The following OGFRL1 variants were observed in gnomAD, a reference collection of about 807,000 sequenced individuals.
OGFRL1 encodes opioid growth factor receptor like 1.
OGFRL1 carries 26 observed loss-of-function variants against 32.4 expected under a neutral mutation model. The ratio of observed to expected loss-of-function variants is 0.80; its 90% CI spans 0.59 to 1.11. OGFRL1 has a LOEUF of 1.11. Among genes scored for constraint, OGFRL1 ranks in the 50% most tolerant of loss-of-function variants. The probability of loss-of-function intolerance (pLI) is 0.00; values close to 1 mark genes in which losing one functional copy is unlikely to be tolerated. For missense variants in OGFRL1, 521 were observed against 546.4 expected (o/e 0.95, Z 0.46); for synonymous variants, 211 against 201.2 (o/e 1.05, Z -0.41).
intron 6 of OGFRL1, among the ~76,000 whole-genome samples, chr6:71,297,926 T>A (rs1450519991): frequency 6.6e-6 from 1 of 151,274 alleles, no homozygotes; most frequent in Non-Finnish European, 1.5e-5. Flanking sequence ...TAGCATTAGG[T>A]ATATCTCCTA....
At chr6:71,293,851 C>T (rs1434001927) in intron 3 of OGFRL1, among the ~76,000 whole-genome samples, 1 of 152,054 alleles carries the variant, frequency 6.6e-6, no homozygotes, top group Non-Finnish European at 1.5e-5. Flanking sequence ...TGTATAGAAC[C>T]ATAGAATTTT....
intron 6 of OGFRL1, 56 bp downstream of exon 6, chr6:71,296,873 A>G: frequency 3.2e-6 from 5 of 1,557,312 alleles, no homozygotes; most frequent in Non-Finnish European, 4.3e-6. Flanking sequence ...TCCCTTGGTC[A>G]GAGTTCTCTA....
At chr6:71,292,752 T>C (rs149420554) in intron 1 of OGFRL1, among the ~76,000 whole-genome samples, 51 of 152,322 alleles carry the variant, frequency 3.3e-4, no homozygotes, top group African/African-American at 1.1e-3. Flanking sequence ...GTACTTGTCA[T>C]GGTATTATAA....
At position 71,305,653 on chromosome 6, in the gene OGFRL1, A is replaced by AC. The variant is rs1383691209; in HGVS notation, c.*3604_*3605insC. The AC allele has an allele frequency of 6.6e-6, 1 of 152,110 alleles. No homozygotes were observed. Among genetic ancestry groups the AC allele is most frequent in the African/African-American group, 2.4e-5 (1 of 41,454 alleles). The allele number at this position is 152,110 out of a possible 1,614,324, so 9.4% of individuals were successfully genotyped here. A position where few individuals can be genotyped will look rare whatever the true frequency, so the allele number is the denominator to read the frequency against. On this transcript the variant is annotated 3_prime_UTR_variant, in exon 7 of 7. Coordinates refer to ENST00000370435, the MANE Select transcript of OGFRL1 (RefSeq NM_024576.5). Reference sequence around the variant, plus strand: ...ATATGAAAATGCCATAATGCCTGTCATAGTCATTGTTTCATATTTTGTCAT... The same window carrying AC: ...ATATGAAAATGCCATAATGCCTGTCACTAGTCATTGTTTCATATTTTGTCAT...
In OGFRL1 at chr6:71,296,833, G is replaced by A. The variant is rs761033834; in HGVS notation, c.692+16G>A. On this transcript the variant is annotated intron_variant, in intron 6 of 6. Transcript: ENST00000370435. ...ATCTGAATGAGTAAGTAAAGCCCCTGTGATAAATCAGGGGCCAGCACAGTT... is the reference window on the plus strand; with the variant it reads ...ATCTGAATGAGTAAGTAAAGCCCCTATGATAAATCAGGGGCCAGCACAGTT... 27 of 1,607,288 alleles carry A rather than the reference G, an allele frequency of 1.7e-5. No homozygotes were observed. Among genetic ancestry groups the A allele is most frequent in the Non-Finnish European group, 2.2e-5 (26 of 1,177,742 alleles).
At chr6:71,298,328 AAG>A (rs1271077650) in intron 6 of OGFRL1, among the ~76,000 whole-genome samples, 2 of 152,138 alleles carry the variant, frequency 1.3e-5, no homozygotes, top group African/African-American at 4.8e-5. Flanking sequence ...ATTGACATGA[AAG>A]ACAGCAATAG....
intron 6 of OGFRL1, among the ~76,000 whole-genome samples, chr6:71,297,959 C>T (rs1242790297): frequency 7.9e-6 from 1 of 125,934 alleles, no homozygotes; most frequent in Non-Finnish European, 1.7e-5. Context: ...CCCCCTCCCC[C>T]CACCCCACAA....
Position 71,302,043 on chromosome 6 carries a change from A to G in OGFRL1, c.1350A>G (p.Val450=). 6.6e-7 allele frequency: 1 copy of G among 1,526,368 alleles called. No homozygotes were observed. The highest frequency in any genetic ancestry group is 8.7e-7 in the Non-Finnish European group (1 of 1,147,490). 94.6% of individuals were successfully genotyped at this position (1,526,368 alleles called of 1,614,324 possible). A position where few individuals can be genotyped will look rare whatever the true frequency, so the allele number is the denominator to read the frequency against. The part of the protein sequence containing the change: ...GNTNCHDVVL[V]Q The stretch of plus-strand genomic sequence containing the variant: ...CAAATTGCCATGATGTTGTACTAGT[A>G]CAGTGAATTATCAGAAAACCCAGAA... Residue 450 remains valine, a synonymous_variant, in exon 7 of 7, where the codon GTA becomes GTG. Transcript: ENST00000370435.
At chr6:71,298,035 T>C (rs1766269363) in intron 6 of OGFRL1, among the ~76,000 whole-genome samples, 1 of 145,752 alleles carries the variant, frequency 6.9e-6, no homozygotes, top group Non-Finnish European at 1.5e-5. Flanking sequence ...TTCAGATGGG[T>C]ATAAATATTA....
chr6:71,302,026 C>A lies in OGFRL1; in HGVS notation c.1333C>A (p.His445Asn). ...DNENPGNTNCHDVVLVQ is the reference protein window; with the variant it reads ...DNENPGNTNCNDVVLVQ ...TGAAAATCCTGGAAATACAAATTGC[C>A]ATGATGTTGTACTAGTACAGTGAAT... The change falls in exon 7 of 7, where the codon CAT (histidine) becomes AAT (asparagine). Residue 445 changes from histidine to asparagine, a missense_variant. Coordinates refer to ENST00000370435, the MANE Select transcript of OGFRL1 (RefSeq NM_024576.5). 6.3e-7 allele frequency: 1 copy of A among 1,584,400 alleles called. No homozygotes were observed. The highest frequency in any genetic ancestry group is 1.2e-5 in the South Asian group (1 of 85,098).
At position 71,308,509 on chromosome 6, in the gene OGFRL1, A is replaced by G. The variant is rs1766623506; in HGVS notation, c.*6460A>G. ...CGATTGTTACAAAGATGTGTGTTTTACTTATAACATAAGCTCTGATTCTCC... is the reference window on the plus strand; with the variant it reads ...CGATTGTTACAAAGATGTGTGTTTTGCTTATAACATAAGCTCTGATTCTCC... On this transcript the variant is annotated 3_prime_UTR_variant, in exon 7 of 7. Coordinates refer to ENST00000370435, the MANE Select transcript of OGFRL1 (RefSeq NM_024576.5). The G allele has an allele frequency of 6.6e-6, 1 of 152,130 alleles. No homozygotes were observed. The allele number at this position is 152,130 out of a possible 1,614,324, so 9.4% of individuals were successfully genotyped here.
Position 71,304,367 on chromosome 6 carries a change from C to G in OGFRL1, c.*2318C>G, listed in dbSNP as rs917411406. The stretch of plus-strand genomic sequence containing the variant: ...TCTTACGTGGTGCTTGTAGCTGTGT[C>G]TCCGTAGAGCTCAGTAAATAGTTCT... On this transcript the variant is annotated 3_prime_UTR_variant, in exon 7 of 7. Transcript: ENST00000370435. 3 of 152,112 alleles carry G rather than the reference C, an allele frequency of 2.0e-5. No homozygotes were observed. The highest frequency in any genetic ancestry group is 7.2e-5 in the African/African-American group (3 of 41,434). The allele number at this position is 152,112 out of a possible 1,614,324, so 9.4% of individuals were successfully genotyped here.
At chr6:71,300,427 G>A (rs1766343512) in intron 6 of OGFRL1, among the ~76,000 whole-genome samples, 1 of 152,126 alleles carries the variant, frequency 6.6e-6, no homozygotes, top group Non-Finnish European at 1.5e-5. Flanking sequence ...AGATGTTAGT[G>A]TAATCTGGGG....
chr6:71,298,822 C>A (rs1483052486), intron 6 of OGFRL1, among the ~76,000 whole-genome samples: 2 of 152,130 alleles, frequency 1.3e-5, no homozygotes, highest in Non-Finnish European at 2.9e-5. Context: ...GTTCTATTTT[C>A]TTCTTCAATT....
At chr6:71,293,947 C>T (rs1766128412) in intron 3 of OGFRL1, among the ~76,000 whole-genome samples, 1 of 152,094 alleles carries the variant, frequency 6.6e-6, no homozygotes, top group African/African-American at 2.4e-5. Flanking sequence ...TTAGGTCACT[C>T]GATTGCAGGT....
chr6:71,293,509 T>G, intron 2 of OGFRL1, 24 bp from the exon 3 acceptor site: 2 of 1,597,980 alleles, frequency 1.3e-6, no homozygotes, highest in Non-Finnish European at 8.6e-7. Flanking sequence ...GTGCTGGAGA[T>G]TGATTTATTT....
At position 71,307,347 on chromosome 6, in the gene OGFRL1, C is replaced by T. The variant is rs912420668; in HGVS notation, c.*5298C>T. ...AGGATAGGCCATCATGGACTCCATA[C>T]ACAATTTTGATGGGTATCAGTTCTC... On this transcript the variant is annotated 3_prime_UTR_variant, in exon 7 of 7. Coordinates refer to ENST00000370435, the MANE Select transcript of OGFRL1 (RefSeq NM_024576.5). 1 of 152,138 alleles carries T rather than the reference C, an allele frequency of 6.6e-6. No homozygotes were observed. The highest frequency in any genetic ancestry group is 1.5e-5 in the Non-Finnish European group (1 of 68,030). 9.4% of individuals were successfully genotyped at this position (152,138 alleles called of 1,614,324 possible).
At chr6:71,300,318 T>C (rs1180406621) in intron 6 of OGFRL1, among the ~76,000 whole-genome samples, 1 of 152,192 alleles carries the variant, frequency 6.6e-6, no homozygotes, top group Non-Finnish European at 1.5e-5. Context: ...AAGCAAAGAT[T>C]GAGCTGAGTG....
Position 71,307,613 on chromosome 6 carries a change from T to C in OGFRL1, c.*5564T>C, listed in dbSNP as rs1451727685. Reference sequence around the variant, plus strand: ...AAAAGGCAGTAGTGGTCACTTACTGTGCTAAAATACCTTTTTCTCTAAAAA... The same window carrying C: ...AAAAGGCAGTAGTGGTCACTTACTGCGCTAAAATACCTTTTTCTCTAAAAA... On this transcript the variant is annotated 3_prime_UTR_variant, in exon 7 of 7. Transcript: ENST00000370435. The C allele has an allele frequency of 6.6e-6, 1 of 152,158 alleles. No individual in the cohort carries two copies. Among genetic ancestry groups the C allele is most frequent in the Non-Finnish European group, 1.5e-5 (1 of 68,028 alleles). The allele number at this position is 152,158 out of a possible 1,614,324, so 9.4% of individuals were successfully genotyped here. A position where few individuals can be genotyped will look rare whatever the true frequency, so the allele number is the denominator to read the frequency against.
Sources: gnomAD v4.1 joint callset for allele counts (sites outside exome capture counted in the v4.1 genomes callset) on GRCh38, gnomAD v4.1.1 for gene constraint, MANE v1.5 for transcripts, NCBI Gene and HGNC (gene_info 2026-07-23, HGNC 2026-07-21) for gene names.